Variants in URB2 observed in about 807,000 individuals in gnomAD.
URB2 encodes the protein unhealthy ribosome biogenesis protein 2 homolog.
URB2 carries 86 observed loss-of-function variants against 120.9 expected under a neutral mutation model. That is an observed-to-expected ratio of 0.71 (90% CI 0.60 to 0.85). URB2 has a LOEUF of 0.85. URB2 is among the 40% of genes least tolerant of loss of function. URB2 has a pLI of 0.00. For missense variants in URB2, 1,765 were observed against 1,836.5 expected, an observed-to-expected ratio of 0.96 and a Z score of 0.71; for synonymous variants, 755 against 758.4, an observed-to-expected ratio of 1.00 and a Z score of 0.07.
intron 4 of URB2, among the ~76,000 whole-genome samples, chr1:229,640,793 T>C (rs527718538): frequency 6.6e-6 from 1 of 152,254 alleles, no homozygotes; most frequent in African/African-American, 2.4e-5. Context: ...TATTACATTG[T>C]TCTGTCTTAT....
At position 229,636,496 on chromosome 1, in the gene URB2, A is replaced by C. The variant is rs771540972; in HGVS notation, c.1883A>C (p.His628Pro). Reference sequence around the variant, plus strand: ...TTCAGTTTGAACTGTAGCCAGTATCACTCTATGTCTGGGCCCCTTATAGGT... The same window carrying C: ...TTCAGTTTGAACTGTAGCCAGTATCCCTCTATGTCTGGGCCCCTTATAGGT... ...AMFSLNCSQY[H>P]SMSGPLIGVA... Residue 628 changes from histidine (H) to proline (P), a missense_variant, in exon 4 of 10, where the codon CAC (histidine) becomes CCC (proline). Transcript: ENST00000258243. The C allele has an allele frequency of 6.2e-7, 1 of 1,613,948 alleles. No individual in the cohort carries two copies. Among genetic ancestry groups the C allele is most frequent in the Non-Finnish European group, 8.5e-7 (1 of 1,179,998 alleles).
At chr1:229,628,958 G>A (rs1301042273) in intron 2 of URB2, among the ~76,000 whole-genome samples, 1 of 152,254 alleles carries the variant, frequency 6.6e-6, no homozygotes, top group Non-Finnish European at 1.5e-5. Flanking sequence ...CATCTTGGCA[G>A]CGTGGCCATC....
rs575173487 is a variant in URB2 at position 229,637,969 on chromosome 1, CCGT to C, written c.3358_3360del (p.Val1120del). 107 of 1,613,774 alleles carry C rather than the reference CCGT, an allele frequency of 6.6e-5. No homozygotes were observed. The South Asian group carries it at 1.1e-3, about 17-fold the overall frequency. On this transcript the variant is annotated inframe_deletion, in exon 4 of 10. Transcript: ENST00000258243. ...CGCCTTCCCTCGGTCCTCATCTCATCCGTCAGCACGCTCTTGGAAGCCGACCTG... is the reference window on the plus strand; with the variant it reads ...CGCCTTCCCTCGGTCCTCATCTCATCCAGCACGCTCTTGGAAGCCGACCTG...
In URB2 at chr1:229,654,350, C is replaced by G. The variant is rs778023011; in HGVS notation, c.4339C>G (p.Pro1447Ala). The change falls in exon 9 of 10, where the codon CCA (proline) becomes GCA (alanine). Residue 1447 changes from proline to alanine, a missense_variant. Coordinates refer to ENST00000258243, the MANE Select transcript of URB2 (RefSeq NM_014777.4). Reference sequence around the variant, plus strand: ...AGCTGAGGAGTTTGCTGTGTTTTCCCCATTTATGGTGGCCCAGTACGTGTT... The same window carrying G: ...AGCTGAGGAGTTTGCTGTGTTTTCCGCATTTATGGTGGCCCAGTACGTGTT... ...ARAEEFAVFS[P>A]FMVAQYVLEV... is the part of the protein sequence containing the mutation. The G allele has an allele frequency of 1.9e-6, 3 of 1,614,116 alleles. No homozygotes were observed. The South Asian group carries it at 3.3e-5, about 18-fold the overall frequency.
intron 4 of URB2, among the ~76,000 whole-genome samples, chr1:229,641,007 CTCTT>C (rs1558167526): frequency 7.3e-6 from 1 of 136,360 alleles, no homozygotes; most frequent in Admixed American, 7.6e-5. Context: ...TTGAGGCAAT[CTCTT>C]TTTTTTTTTT....
rs535118970 is a variant in URB2 at position 229,655,970 on chromosome 1, C to T, written c.4377+1582C>T. Among the ~76,000 whole-genome samples, 10 of 152,328 alleles carry T rather than the reference C, an allele frequency of 6.6e-5. No homozygotes were observed. The East Asian group carries it at 7.7e-4, about 12-fold the overall frequency. ...TCTACCCCGCTGGCCTTGCTCACCT[C>T]GGCAGGTGGCGATGCCTGTCCTGTG... On this transcript the variant is annotated intron_variant, in intron 9 of 9. Transcript: ENST00000258243.
chr1:229,645,899 A>G lies in URB2; in HGVS notation c.3836A>G (p.Asn1279Ser), dbSNP rs1666136311. ...GTTACACTGCTGAGGCTGCTACTGA[A>G]CTGCCCACTCAGTGGAGAGAAAGCA... ...SAVTLLRLLLNCPLSGEKASL... is the reference protein window; with the variant it reads ...SAVTLLRLLLSCPLSGEKASL... The change falls in exon 6 of 10, where the codon AAC becomes AGC. Residue 1279 changes from asparagine to serine, a missense_variant. Physicochemically the swap from Asn to Ser is conservative, Grantham distance 46. Transcript: ENST00000258243. 1 of 1,614,164 alleles carries G rather than the reference A, an allele frequency of 6.2e-7. No individual in the cohort carries two copies.
chr1:229,636,339 A>G lies in URB2; in HGVS notation c.1726A>G (p.Met576Val), dbSNP rs778364626. 3.1e-6 allele frequency: 5 copies of G among 1,614,212 alleles called. No individual in the cohort carries two copies. Among genetic ancestry groups the G allele is most frequent in the Non-Finnish European group, 4.2e-6 (5 of 1,180,014 alleles). The change falls in exon 4 of 10, where the codon ATG (methionine) becomes GTG (valine). Residue 576 changes from methionine to valine, a missense_variant. Coordinates refer to ENST00000258243, the MANE Select transcript of URB2 (RefSeq NM_014777.4). ...RRTQCMMERMMRELVQPLLAL... is the reference protein window; with the variant it reads ...RRTQCMMERMVRELVQPLLAL... ...GACACAGTGCATGATGGAGAGGATG[A>G]TGAGGGAGCTCGTGCAGCCCCTGCT...
intron 5 of URB2, 67 bp from the exon 6 acceptor site, chr1:229,645,791 TC>T: frequency 7.4e-7 from 1 of 1,357,632 alleles, no homozygotes; most frequent in Non-Finnish European, 1.1e-6. Context: ...GCAGTCTTCT[TC>T]CCCAGGCGGA....
Position 229,654,272 on chromosome 1 carries a change from G to C in URB2, c.4261G>C (p.Val1421Leu), listed in dbSNP as rs777991072. Residue 1421 changes from valine to leucine, a missense_variant, in exon 9 of 10, where the codon GTC becomes CTC. Transcript: ENST00000258243. ...DKGSIDDLPT[V>L]LKCARLVERM... ...AGGAAGCATAGATGACCTGCCTACG[G>C]TCCTAAAGTGTGCACGCCTGGTTGA... The C allele has an allele frequency of 6.2e-6, 10 of 1,614,156 alleles. No homozygotes were observed. The highest frequency in any genetic ancestry group is 8.5e-6 in the Non-Finnish European group (10 of 1,180,032).
At position 229,632,444 on chromosome 1, in the gene URB2, A is replaced by G; in HGVS notation, c.302A>G (p.Lys101Arg). ...KTINLQISLV[K>R]IINERVAEFS... ...ATTAATCTTCAGATTTCCCTAGTCA[A>G]GGTAATTCACTTTTCTGTTCTGTAT... The change falls in exon 3 of 10, where the codon AAG becomes AGG. Residue 101 changes from lysine (K) to arginine (R), a missense_variant and splice_region_variant. Physicochemically the swap from Lys to Arg is conservative, Grantham distance 26. Transcript: ENST00000258243. 1 of 1,551,854 alleles carries G rather than the reference A, an allele frequency of 6.4e-7. No homozygotes were observed. Among genetic ancestry groups the G allele is most frequent in the South Asian group, 1.3e-5 (1 of 77,516 alleles).
In URB2 at chr1:229,637,945, G is replaced by T; in HGVS notation, c.3332G>T (p.Arg1111Leu). Residue 1111 changes from arginine to leucine, a missense_variant, in exon 4 of 10, where the codon CGC (arginine) becomes CTC (leucine). Physicochemically the swap from Arg to Leu is moderately radical, Grantham distance 102. Coordinates refer to ENST00000258243, the MANE Select transcript of URB2 (RefSeq NM_014777.4). ...LCSVPGARGW[R>L]LPSVLISSVS... is the part of the protein sequence containing the mutation. ...TCAGTGCCGGGGGCCCGGGGCTGGCGCCTTCCCTCGGTCCTCATCTCATCC... is the reference window on the plus strand; with the variant it reads ...TCAGTGCCGGGGGCCCGGGGCTGGCTCCTTCCCTCGGTCCTCATCTCATCC... 6.2e-7 allele frequency: 1 copy of T among 1,613,226 alleles called. No individual in the cohort carries two copies. The highest frequency in any genetic ancestry group is 8.5e-7 in the Non-Finnish European group (1 of 1,179,732).
In URB2 at chr1:229,651,562, AT is replaced by A. The variant is rs1202164125; in HGVS notation, c.4237+241del. On this transcript the variant is annotated intron_variant, in intron 8 of 9. Transcript: ENST00000258243. ...AATAGTTCCTTTTCTGGGAAAAAAA[AT>A]ATCAGATTTAGGAAATGTTTACTGA... 3.3e-5 allele frequency among the ~76,000 whole-genome samples: 5 copies of A among 152,342 alleles called. No homozygotes were observed. The East Asian group carries it at 9.6e-4, about 29-fold the overall frequency.
At chr1:229,644,144 T>C (rs1666082545) in intron 5 of URB2, among the ~76,000 whole-genome samples, 1 of 152,244 alleles carries the variant, frequency 6.6e-6, no homozygotes, top group Non-Finnish European at 1.5e-5. Context: ...CTGCATGGTG[T>C]TGCATTTGCT....
chr1:229,658,036 A>G (rs923871141), intron 9 of URB2, among the ~76,000 whole-genome samples: 1 of 152,222 alleles, frequency 6.6e-6, no homozygotes, highest in African/African-American at 2.4e-5. Flanking sequence ...AGTAATGGCA[A>G]AATACATCTA....
chr1:229,645,852 G>T lies in URB2; in HGVS notation c.3796-7G>T, dbSNP rs1416745046. The T allele has an allele frequency of 9.3e-6, 15 of 1,613,446 alleles. No homozygotes were observed. The highest frequency in any genetic ancestry group is 1.2e-5 in the Non-Finnish European group (14 of 1,179,668). On this transcript the variant is annotated splice_region_variant and splice_polypyrimidine_tract_variant and intron_variant, in intron 5 of 9. Coordinates refer to ENST00000258243, the MANE Select transcript of URB2 (RefSeq NM_014777.4). ...TCTGCCGCTAAGTTTTTTCTCTCTT[G>T]CCCCAGGCTGTTGTGTCAGCTGTTA...
At chr1:229,644,936 T>C (rs1666103941) in intron 5 of URB2, among the ~76,000 whole-genome samples, 1 of 151,598 alleles carries the variant, frequency 6.6e-6, no homozygotes, top group Non-Finnish European at 1.5e-5. Context: ...TACAAATGTG[T>C]GGTCTTATTA....
chr1:229,641,181 T>C (rs1404001733), intron 4 of URB2, among the ~76,000 whole-genome samples: 1 of 151,836 alleles, frequency 6.6e-6, no homozygotes, highest in East Asian at 1.9e-4. Flanking sequence ...CCCGGCTAAT[T>C]GTTGTATTTT....
chr1:229,654,352 A>G lies in URB2; in HGVS notation c.4341A>G (p.Pro1447=). 6.2e-7 allele frequency: 1 copy of G among 1,614,156 alleles called. No homozygotes were observed. ...ARAEEFAVFS[P]FMVAQYVLEV... ...CTGAGGAGTTTGCTGTGTTTTCCCC[A>G]TTTATGGTGGCCCAGTACGTGTTGG... Residue 1447 remains proline, a synonymous_variant, in exon 9 of 10, where the codon CCA becomes CCG. Transcript: ENST00000258243.
Sources: gnomAD v4.1 joint callset for allele counts (sites outside exome capture counted in the v4.1 genomes callset) on GRCh38, gnomAD v4.1.1 for gene constraint, MANE v1.5 for transcripts, NCBI Gene and HGNC (gene_info 2026-07-23, HGNC 2026-07-21) for gene names.